Variants in URB1 observed in about 807,000 individuals in gnomAD.
The protein encoded by URB1 is URB1 ribosome biogenesis factor, also known as nucleolar pre-ribosomal-associated protein 1.
A neutral mutation model predicts 242.3 loss-of-function variants in URB1; 197 were observed. That is an observed-to-expected ratio of 0.81 (90% CI 0.72 to 0.91). The LOEUF (loss-of-function observed/expected upper bound fraction) is 0.91. URB1 is among the 40% of genes least tolerant of loss of function. URB1 has a pLI of 0.00. For synonymous variants in URB1, 1,153 were observed against 1,201.8 expected (o/e 0.96, Z 0.84); for missense variants, 2,721 against 2,860.5 (o/e 0.95, Z 1.11).
chr21:32,373,572 G>A, intron 7 of URB1, 75 bp downstream of exon 7: 3 of 1,453,632 alleles, frequency 2.1e-6, no homozygotes, highest in Non-Finnish European at 1.8e-6. Context: ...GTGCGGTGTT[G>A]AGAATTCTCC....
At chr21:32,384,057 G>GGGA (rs1376706810) in intron 3 of URB1, among the ~76,000 whole-genome samples, 3 of 152,178 alleles carry the variant, frequency 2.0e-5, no homozygotes, top group Non-Finnish European at 4.4e-5. Flanking sequence ...TTCCAGTAGA[G>GGGA]GGAGTCACTC....
At chr21:32,384,503 T>G (rs1179484757) in intron 2 of URB1, 39 bp from the exon 3 acceptor site, 8 of 1,541,392 alleles carry the variant, frequency 5.2e-6, no homozygotes, top group Non-Finnish European at 7.0e-6. Context: ...AATCGTCTCA[T>G]TTCCTTTCCT....
chr21:32,322,380 C>G (rs2032777906), intron 33 of URB1, 98 bp downstream of exon 33: 2 of 1,117,220 alleles, frequency 1.8e-6, no homozygotes, highest in South Asian at 2.7e-5. Context: ...GTTGGCCGTG[C>G]AGCATACAGG....
intron 9 of URB1, among the ~76,000 whole-genome samples, chr21:32,366,956 C>A (rs545950148): frequency 6.6e-6 from 1 of 152,160 alleles, no homozygotes; most frequent in African/African-American, 2.4e-5. Context: ...TGGCTGTTAA[C>A]AGAGAAAGGA....
chr21:32,342,981 G>A (rs1453283126), intron 24 of URB1, among the ~76,000 whole-genome samples: 2 of 152,004 alleles, frequency 1.3e-5, no homozygotes, highest in African/African-American at 2.4e-5. Context: ...CAGCAGGTCC[G>A]CAGTCATCGG....
intron 24 of URB1, 53 bp from the exon 25 acceptor site, chr21:32,341,577 A>C: frequency 6.6e-7 from 1 of 1,503,920 alleles, no homozygotes; most frequent in Non-Finnish European, 9.0e-7. Context: ...TCTACAAAAT[A>C]CTAAAAGGCC....
rs1029643425 is a variant in URB1, at chr21:32,324,613, G to T, written c.5122-11C>A. ...CAACAGGTAAAGTAGCTTGAAAACA[G>T]AACAGAAAAGGAAAATGTAAGATGA... On this transcript the variant is annotated splice_polypyrimidine_tract_variant and intron_variant, in intron 31 of 38. Transcript: ENST00000382751. 9.2e-5 allele frequency: 142 copies of T among 1,538,734 alleles called. 2 individuals are homozygous for T. In the East Asian group the frequency reaches 3.5e-3, roughly 38 times the overall value.
At position 32,357,673 on chromosome 21, in the gene URB1, A is replaced by G. The variant is rs1289234837; in HGVS notation, c.1870-17T>C. 2.8e-6 allele frequency: 4 copies of G among 1,422,276 alleles called. No homozygotes were observed. The highest frequency in any genetic ancestry group is 5.6e-5 in the East Asian group (2 of 36,034). The allele number at this position is 1,422,276 out of a possible 1,614,324, so 88.1% of individuals were successfully genotyped here. ...TGGGCCTTCCTAGAGTTTAAACAAT[A>G]TTACGTATTTTTAGTATATATAATT... On this transcript the variant is annotated splice_polypyrimidine_tract_variant and intron_variant, in intron 14 of 38. Coordinates refer to ENST00000382751, the MANE Select transcript of URB1 (RefSeq NM_014825.3).
intron 28 of URB1, among the ~76,000 whole-genome samples, chr21:32,336,548 A>G (rs1601129786): frequency 6.6e-6 from 1 of 152,348 alleles, no homozygotes; most frequent in Admixed American, 6.5e-5. Flanking sequence ...CAGGGCCCAC[A>G]GGGAAAGGTG....
At chr21:32,323,062 T>C (rs958075084) in intron 32 of URB1, among the ~76,000 whole-genome samples, 1 of 152,232 alleles carries the variant, frequency 6.6e-6, no homozygotes, top group Non-Finnish European at 1.5e-5. Flanking sequence ...TAGCTCCTGC[T>C]ACCTCCTATC....
At position 32,334,276 on chromosome 21, in the gene URB1, T is replaced by C. The variant is rs1375645812; in HGVS notation, c.4744A>G (p.Arg1582Gly). The C allele has an allele frequency of 6.4e-7, 1 of 1,551,574 alleles. No homozygotes were observed. The highest frequency in any genetic ancestry group is 2.4e-5 in the East Asian group (1 of 40,906). ...EHHKTCRSLG[R>G]SLWQQPSVGD... ...ACACTCGGCTGCTGCCACAGTGACC[T>C]GCCCAGGCTCCGGCACGTCTTGTGA... Residue 1582 changes from arginine (R) to glycine (G), a missense_variant, in exon 29 of 39, where the codon AGG (arginine) becomes GGG (glycine). Coordinates refer to ENST00000382751, the MANE Select transcript of URB1 (RefSeq NM_014825.3).
At chr21:32,390,705 A>G (rs1196059926) in intron 1 of URB1, among the ~76,000 whole-genome samples, 1 of 152,334 alleles carries the variant, frequency 6.6e-6, no homozygotes, top group East Asian at 1.9e-4. Flanking sequence ...ATCATTAAAA[A>G]GTCAGGAAAC....
At chr21:32,364,938 C>T (rs2033328984) in intron 10 of URB1, among the ~76,000 whole-genome samples, 1 of 152,272 alleles carries the variant, frequency 6.6e-6, no homozygotes, top group African/African-American at 2.4e-5. Context: ...CTGGCCCTGG[C>T]CCTGCAGGGC....
At chr21:32,356,756 G>C (rs1266990448) in intron 15 of URB1, among the ~76,000 whole-genome samples, 1 of 152,194 alleles carries the variant, frequency 6.6e-6, no homozygotes, top group African/African-American at 2.4e-5. Context: ...AGGCCTCACG[G>C]CACAGAGCCC....
At chr21:32,336,035 C>T (rs1435673392) in intron 28 of URB1, among the ~76,000 whole-genome samples, 1 of 152,118 alleles carries the variant, frequency 6.6e-6, no homozygotes, top group Non-Finnish European at 1.5e-5. Flanking sequence ...AACCCGCCTC[C>T]GACTTGCTCT....
intron 8 of URB1, 22 bp downstream of exon 8, chr21:32,372,485 C>G (rs1179355202): frequency 6.5e-7 from 1 of 1,549,018 alleles, no homozygotes; most frequent in Admixed American, 2.0e-5. Context: ...ACCCTGGGGT[C>G]CACAAGAGTG....
chr21:32,341,196 G>A (rs1199975226), intron 25 of URB1, among the ~76,000 whole-genome samples: 1 of 152,162 alleles, frequency 6.6e-6, no homozygotes, highest in Non-Finnish European at 1.5e-5. Flanking sequence ...AAAACTGTCA[G>A]CATGTATTAA....
At chr21:32,338,065 C>G (rs866349243) in intron 26 of URB1, among the ~76,000 whole-genome samples, 2 of 152,320 alleles carry the variant, frequency 1.3e-5, no homozygotes, top group South Asian at 4.1e-4. Flanking sequence ...TGGCTAATGG[C>G]TGTCTTCGAC....
chr21:32,363,847 G>A (rs2033316466), intron 10 of URB1, among the ~76,000 whole-genome samples: 2 of 151,660 alleles, frequency 1.3e-5, no homozygotes, highest in Admixed American at 6.6e-5. Flanking sequence ...TAAGAGATGA[G>A]ACTTAGTATG....
Sources: gnomAD v4.1 joint callset for allele counts (sites outside exome capture counted in the v4.1 genomes callset) on GRCh38, gnomAD v4.1.1 for gene constraint, MANE v1.5 for transcripts, NCBI Gene and HGNC (gene_info 2026-07-23, HGNC 2026-07-21) for gene names.